Variants in LCMT1 observed in about 807,000 individuals in gnomAD.
LCMT1 encodes the protein leucine carboxyl methyltransferase 1, also known as [Phosphatase 2A protein]-leucine-carboxy methyltransferase 1.
LCMT1 carries 32 observed loss-of-function variants against 47.7 expected under a neutral mutation model. That is an observed-to-expected ratio of 0.67 (90% CI 0.51 to 0.90). The LOEUF is 0.90. LCMT1 is among the 40% of genes least tolerant of loss of function. The probability of loss-of-function intolerance (pLI) is 0.00; values close to 1 mark genes in which losing one functional copy is unlikely to be tolerated. For missense variants in LCMT1, 375 were observed against 415.2 expected (o/e 0.90, Z 0.84); for synonymous variants, 152 against 149.7 (o/e 1.02, Z -0.11).
intron 5 of LCMT1, among the ~76,000 whole-genome samples, chr16:25,153,120 T>G (rs1282900327): frequency 6.6e-6 from 1 of 150,670 alleles, no homozygotes; most frequent in Non-Finnish European, 1.5e-5. Context: ...TGGCAAGGAG[T>G]CTAGGCTTTT....
At chr16:25,133,255 G>A (rs1960405792) in intron 3 of LCMT1, among the ~76,000 whole-genome samples, 2 of 152,068 alleles carry the variant, frequency 1.3e-5, no homozygotes, top group Admixed American at 1.3e-4. Flanking sequence ...ATGATAATAT[G>A]TTGCAAAGCC....
chr16:25,156,198 C>T (rs1022419550), intron 5 of LCMT1, among the ~76,000 whole-genome samples: 9 of 152,138 alleles, frequency 5.9e-5, no homozygotes, highest in African/African-American at 2.2e-4. Context: ...CCTTATGTCA[C>T]ACTCTTCTCT....
Position 25,175,479 on chromosome 16 carries a change from A to AG in LCMT1, c.982+445_982+446insG, listed in dbSNP as rs1271582243. ...TCTCTACTAAAAATACAAAAAAAAAAAAAATAGCCAGGCGTGGTGGCAGGC... is the reference window on the plus strand; with the variant it reads ...TCTCTACTAAAAATACAAAAAAAAAAGAAAATAGCCAGGCGTGGTGGCAGGC... On this transcript the variant is annotated intron_variant, in intron 10 of 10. Transcript: ENST00000399069. Among the ~76,000 whole-genome samples the AG allele has an allele frequency of 2.6e-5, 4 of 151,712 alleles. No homozygotes were observed. The South Asian group carries it at 8.3e-4, about 32-fold the overall frequency.
intron 5 of LCMT1, among the ~76,000 whole-genome samples, chr16:25,153,864 ACT>A (rs529952353): frequency 1.0e-3 from 155 of 151,266 alleles, no homozygotes; most frequent in African/African-American, 3.6e-3. Context: ...AAGGCAGGAG[ACT>A]CTCTTGAACC....
In LCMT1 at chr16:25,112,006, G is replaced by A; in HGVS notation, c.113+10G>A. On this transcript the variant is annotated intron_variant, in intron 1 of 10. Transcript: ENST00000399069. ...CTTCCCTGTGCAAGAGGTGCCTGTCGGGCGCGGGGTTCGGGGCCGGCATCT... is the reference window on the plus strand; with the variant it reads ...CTTCCCTGTGCAAGAGGTGCCTGTCAGGCGCGGGGTTCGGGGCCGGCATCT... 6.2e-7 allele frequency: 1 copy of A among 1,601,998 alleles called. No homozygotes were observed. The highest frequency in any genetic ancestry group is 8.5e-7 in the Non-Finnish European group (1 of 1,170,254).
chr16:25,115,121 C>T (rs777230057), intron 1 of LCMT1, among the ~76,000 whole-genome samples: 1 of 152,168 alleles, frequency 6.6e-6, no homozygotes, highest in Non-Finnish European at 1.5e-5. Context: ...GCTGCACTGC[C>T]TCACAGATGA....
At chr16:25,126,632 A>C (rs1271378413) in intron 1 of LCMT1, among the ~76,000 whole-genome samples, 2 of 152,176 alleles carry the variant, frequency 1.3e-5, no homozygotes, top group African/African-American at 2.4e-5. Context: ...TTCCTTGGCT[A>C]CACTAGTCGT....
At chr16:25,147,461 G>C (rs1960897006) in intron 4 of LCMT1, 2 of 152,124 alleles carry the variant, frequency 1.3e-5, no homozygotes, top group Non-Finnish European at 2.9e-5. Flanking sequence ...TGGAAATAGG[G>C]GCCACACACA....
At chr16:25,127,375 A>G (rs1410513935) in intron 1 of LCMT1, among the ~76,000 whole-genome samples, 1 of 152,088 alleles carries the variant, frequency 6.6e-6, no homozygotes, top group East Asian at 1.9e-4. Flanking sequence ...TGTATAACAG[A>G]TCGTGTCCAT....
intron 4 of LCMT1, chr16:25,142,266 T>A (rs1461475919): frequency 6.6e-6 from 1 of 152,142 alleles, no homozygotes; most frequent in Non-Finnish European, 1.5e-5. Flanking sequence ...GAGCCCAAGT[T>A]TGATTAGGGT....
intron 10 of LCMT1, among the ~76,000 whole-genome samples, chr16:25,177,385 A>G (rs1961980944): frequency 6.6e-6 from 1 of 152,100 alleles, no homozygotes; most frequent in Non-Finnish European, 1.5e-5. Context: ...TGTTTTTATA[A>G]TAAGAGTTGA....
At chr16:25,121,984 A>G (rs1960004557) in intron 1 of LCMT1, among the ~76,000 whole-genome samples, 1 of 152,118 alleles carries the variant, frequency 6.6e-6, no homozygotes, top group Non-Finnish European at 1.5e-5. Flanking sequence ...GTTGTTCATC[A>G]TTTAGGTGGC....
In LCMT1 at chr16:25,161,535, T is replaced by C. The variant is rs147522518; in HGVS notation, c.569+331T>C. Among the ~76,000 whole-genome samples the C allele has an allele frequency of 3.9e-5, 6 of 152,156 alleles. No individual in the cohort carries two copies. The East Asian group carries it at 1.2e-3, about 29-fold the overall frequency. ...CCATGCCTGGCTAAGTTTGTATTTT[T>C]AGTAGAGATGGGGTTTCTCCATGTA... is the stretch of plus-strand genomic sequence containing the variant. On this transcript the variant is annotated intron_variant, in intron 6 of 10. Coordinates refer to ENST00000399069, the MANE Select transcript of LCMT1 (RefSeq NM_016309.3).
intron 1 of LCMT1, among the ~76,000 whole-genome samples, chr16:25,117,618 C>T (rs1176758914): frequency 2.0e-5 from 3 of 152,112 alleles, no homozygotes; most frequent in Non-Finnish European, 4.4e-5. Flanking sequence ...CTTTCGGAGC[C>T]GAGATGGGTG....
chr16:25,126,908 C>T (rs991401145), intron 1 of LCMT1, among the ~76,000 whole-genome samples: 22 of 152,306 alleles, frequency 1.4e-4, no homozygotes, highest in African/African-American at 4.6e-4. Flanking sequence ...GATGAGTATT[C>T]TCATCTGTGG....
At chr16:25,168,110 G>T (rs887861580) in intron 7 of LCMT1, among the ~76,000 whole-genome samples, 1 of 150,968 alleles carries the variant, frequency 6.6e-6, no homozygotes, top group Non-Finnish European at 1.5e-5. Flanking sequence ...GTGCAGTTGC[G>T]CAATCTCAGC....
intron 5 of LCMT1, among the ~76,000 whole-genome samples, chr16:25,160,294 T>C (rs1961386441): frequency 1.1e-5 from 1 of 88,128 alleles, no homozygotes; most frequent in Non-Finnish European, 2.2e-5. Context: ...GAATGAGAAA[T>C]TTGGGGTGGA....
chr16:25,155,731 C>T (rs1175528443), intron 5 of LCMT1, among the ~76,000 whole-genome samples: 3 of 148,866 alleles, frequency 2.0e-5, no homozygotes, highest in Non-Finnish European at 4.4e-5. Flanking sequence ...GGCTGGAGGA[C>T]AGTGGTGCAA....
intron 9 of LCMT1, among the ~76,000 whole-genome samples, chr16:25,172,511 C>T (rs751359752): frequency 9.2e-5 from 14 of 152,204 alleles, no homozygotes; most frequent in African/African-American, 3.1e-4. Flanking sequence ...AGCGCTAGTG[C>T]GCACTTCAGC....
Sources: allele counts gnomAD v4.1 joint callset (sites outside exome capture counted in the v4.1 genomes callset), GRCh38; gene constraint gnomAD v4.1.1; transcripts MANE v1.5; gene names NCBI Gene and HGNC (gene_info 2026-07-23, HGNC 2026-07-21).